ANKRD44: variants seen among roughly 807,000 people sequenced by gnomAD.
ANKRD44 encodes the protein ankyrin repeat domain 44.
ANKRD44 carries 35 observed loss-of-function variants against 116.0 expected under a neutral mutation model. The ratio of observed to expected loss-of-function variants is 0.30; its 90% confidence interval spans 0.23 to 0.40. The LOEUF is 0.40. Ranked by LOEUF, ANKRD44 falls within the 10% of genes least tolerant of loss-of-function variation. ANKRD44 has a pLI of 1.00. For synonymous variants in ANKRD44, 435 were observed against 461.8 expected, an observed-to-expected ratio of 0.94 and a Z score of 0.74; for missense variants, 1,014 against 1,242.6, an observed-to-expected ratio of 0.82 and a Z score of 2.77.
At chr2:197,094,494 A>G (rs962333941) in intron 10 of ANKRD44, among the ~76,000 whole-genome samples, 1 of 152,194 alleles carries the variant, frequency 6.6e-6, no homozygotes, top group African/African-American at 2.4e-5. Flanking sequence ...TGAGTTTTGA[A>G]GTTGTAATCA....
In ANKRD44 at chr2:197,310,761, C is replaced by T. The variant is rs1431205825; in HGVS notation, c.-157G>A. ...TGCTCCTCCTCCGCCGCCGCCTCCT[C>T]CCGCCGAGAGGCTGACACTGGCTAG... On this transcript the variant is annotated 5_prime_UTR_variant, in exon 1 of 28. Transcript: ENST00000282272. The T allele has an allele frequency of 1.2e-5, 8 of 683,736 alleles. No individual in the cohort carries two copies. The highest frequency in any genetic ancestry group is 1.6e-5 in the Non-Finnish European group (8 of 508,064). 42.4% of individuals were successfully genotyped at this position (683,736 alleles called of 1,614,324 possible).
intron 21 of ANKRD44, among the ~76,000 whole-genome samples, chr2:196,971,276 A>C (rs1024625610): frequency 4.6e-5 from 7 of 152,234 alleles, no homozygotes; most frequent in African/African-American, 1.7e-4. Flanking sequence ...ATATCATTTG[A>C]GATTACAACC....
At chr2:197,139,474 TATAAA>T (rs531418135) in intron 3 of ANKRD44, among the ~76,000 whole-genome samples, 3 of 152,170 alleles carry the variant, frequency 2.0e-5, no homozygotes, top group African/African-American at 7.2e-5. Context: ...GATGCATAGA[TATAAA>T]ATAAAAGTTT....
At chr2:197,087,975 C>G (rs1310599181) in intron 12 of ANKRD44, among the ~76,000 whole-genome samples, 1 of 152,148 alleles carries the variant, frequency 6.6e-6, no homozygotes, top group Non-Finnish European at 1.5e-5. Context: ...ATAGGTAATG[C>G]CTTTGGTAAT....
rs1479998580 is a variant in ANKRD44 at position 197,105,485 on chromosome 2, A to G, written c.985+5281T>C. On this transcript the variant is annotated intron_variant, in intron 9 of 27. Coordinates refer to ENST00000282272, the MANE Select transcript of ANKRD44 (RefSeq NM_001195144.2). ...TAAAGTAATAATTAAATATCTTTAC[A>G]TATATTCTTAAATACATAGAAAAAT... is the stretch of plus-strand genomic sequence containing the variant. Among the ~76,000 whole-genome samples, 3 of 152,212 alleles carry G rather than the reference A, an allele frequency of 2.0e-5. No homozygotes were observed. In the East Asian group the frequency reaches 5.8e-4, roughly 29 times the overall value.
intron 1 of ANKRD44, among the ~76,000 whole-genome samples, chr2:197,267,063 G>C (rs1169990611): frequency 6.8e-6 from 1 of 146,368 alleles, no homozygotes; most frequent in Non-Finnish European, 1.5e-5. Flanking sequence ...AATATTAGAT[G>C]AATGAATGAA....
chr2:196,986,922 C>T lies in ANKRD44; in HGVS notation c.*2669G>A. 1.0e-6 allele frequency: 1 copy of T among 985,364 alleles called. No homozygotes were observed. Among genetic ancestry groups the T allele is most frequent in the South Asian group, 4.7e-5 (1 of 21,290 alleles). 61.0% of individuals were successfully genotyped at this position (985,364 alleles called of 1,614,324 possible). Reference sequence around the variant, plus strand: ...AGAAAACATTATAGACAAAATCCCACTGAAATCATCAAACAATATTTTATG... The same window carrying T: ...AGAAAACATTATAGACAAAATCCCATTGAAATCATCAAACAATATTTTATG... On this transcript the variant is annotated 3_prime_UTR_variant, in exon 28 of 28. Transcript: ENST00000282272.
chr2:197,098,397 G>A (rs1050025593), intron 10 of ANKRD44, among the ~76,000 whole-genome samples: 1 of 152,102 alleles, frequency 6.6e-6, no homozygotes, highest in Non-Finnish European at 1.5e-5. Context: ...TCTTCCCCAG[G>A]CCATTTCAAT....
intron 1 of ANKRD44, among the ~76,000 whole-genome samples, chr2:197,309,759 G>A (rs2084186617): frequency 6.6e-6 from 1 of 152,186 alleles, no homozygotes; most frequent in Non-Finnish European, 1.5e-5. Context: ...GCCTGTTAGT[G>A]TCAATGTAAG....
At chr2:197,267,196 A>AT (rs1351794087) in intron 1 of ANKRD44, among the ~76,000 whole-genome samples, 1 of 152,230 alleles carries the variant, frequency 6.6e-6, no homozygotes, top group Non-Finnish European at 1.5e-5. Context: ...TTATAAGGAC[A>AT]TTTTGCAGAT....
intron 24 of ANKRD44, 113 bp downstream of exon 24, chr2:196,998,794 G>A (rs1452748477): frequency 4.2e-6 from 6 of 1,427,880 alleles, no homozygotes; most frequent in African/African-American, 1.4e-5. Flanking sequence ...AAGTAAAACT[G>A]CTAATGGCCC....
At position 197,239,917 on chromosome 2, in the gene ANKRD44, C is replaced by A. The variant is rs376480609; in HGVS notation, c.28-52811G>T. 3.4e-4 allele frequency among the ~76,000 whole-genome samples: 51 copies of A among 152,212 alleles called. No individual in the cohort carries two copies. The East Asian group carries it at 8.9e-3, about 27-fold the overall frequency. Reference sequence around the variant, plus strand: ...TCTGCTTCTTCTCAAATGTCTTCAACGTAGATTTTCAATCAGATGAAGGGC... The same window carrying A: ...TCTGCTTCTTCTCAAATGTCTTCAAAGTAGATTTTCAATCAGATGAAGGGC... On this transcript the variant is annotated intron_variant, in intron 1 of 27. Transcript: ENST00000282272.
chr2:197,249,286 A>T lies in ANKRD44; in HGVS notation c.27+61292T>A, dbSNP rs1159173194. 7.9e-5 allele frequency among the ~76,000 whole-genome samples: 12 copies of T among 152,274 alleles called. No homozygotes were observed. In the East Asian group the frequency reaches 2.1e-3, roughly 27 times the overall value. On this transcript the variant is annotated intron_variant, in intron 1 of 27. Coordinates refer to ENST00000282272, the MANE Select transcript of ANKRD44 (RefSeq NM_001195144.2). Reference sequence around the variant, plus strand: ...AGACCTTGTCTCAAAAAATGTACAGAAATAAAAAAAGAAATTTTTAAAAGA... The same window carrying T: ...AGACCTTGTCTCAAAAAATGTACAGTAATAAAAAAAGAAATTTTTAAAAGA...
chr2:197,283,776 T>C (rs1441062679), intron 1 of ANKRD44, among the ~76,000 whole-genome samples: 1 of 152,184 alleles, frequency 6.6e-6, no homozygotes, highest in African/African-American at 2.4e-5. Flanking sequence ...GTTTGTAGCA[T>C]AAAGAAGCAA....
At chr2:197,156,746 G>A (rs2079826109) in intron 2 of ANKRD44, among the ~76,000 whole-genome samples, 1 of 152,110 alleles carries the variant, frequency 6.6e-6, no homozygotes, top group African/African-American at 2.4e-5. Flanking sequence ...TCCACATAAT[G>A]GAACACTACT....
intron 16 of ANKRD44, among the ~76,000 whole-genome samples, chr2:197,031,996 T>C (rs2076716303): frequency 2.0e-5 from 3 of 152,196 alleles, no homozygotes; most frequent in South Asian, 4.1e-4. Context: ...CTTCCTGGAA[T>C]TGACAGTGTG....
At chr2:197,140,518 G>T (rs1159382276) in intron 3 of ANKRD44, among the ~76,000 whole-genome samples, 1 of 151,866 alleles carries the variant, frequency 6.6e-6, no homozygotes, top group Non-Finnish European at 1.5e-5. Context: ...ATGGGGTCTT[G>T]CTATGTTTCT....
chr2:197,186,561 C>G (rs191371993), intron 2 of ANKRD44, among the ~76,000 whole-genome samples: 206 of 148,992 alleles, frequency 1.4e-3, no homozygotes, highest in African/African-American at 4.9e-3. Flanking sequence ...AACTCCTGGG[C>G]TCAGGCAATC....
rs868212572 is a variant in ANKRD44, at chr2:197,112,968, G to A, written c.907-2124C>T. Among the ~76,000 whole-genome samples the A allele has an allele frequency of 1.0e-4, 12 of 116,152 alleles. No homozygotes were observed. In the South Asian group the frequency reaches 1.3e-3, roughly 12 times the overall value. 76.2% of individuals were successfully genotyped at this position (116,152 alleles called of 152,430 possible). The stretch of plus-strand genomic sequence containing the variant: ...CCAAGAAAAAAAAGTTAATTAGAAC[G>A]GTAAGTTCATCTTAATTGAAAAAAA... On this transcript the variant is annotated intron_variant, in intron 8 of 27. Coordinates refer to ENST00000282272, the MANE Select transcript of ANKRD44 (RefSeq NM_001195144.2).
Sources: allele counts gnomAD v4.1 joint callset (sites outside exome capture counted in the v4.1 genomes callset), GRCh38; gene constraint gnomAD v4.1.1; transcripts MANE v1.5; gene names NCBI Gene and HGNC (gene_info 2026-07-23, HGNC 2026-07-21).